Variants in EFHC2 observed in about 807,000 individuals in gnomAD.
EFHC2 encodes the protein EF-hand domain-containing family member C2.
EFHC2 carries 18 observed loss-of-function variants against 52.7 expected under a neutral mutation model. The ratio of observed to expected loss-of-function variants is 0.34; its 90% CI spans 0.24 to 0.51. The LOEUF is 0.51. Ranked by LOEUF, EFHC2 falls within the 20% of genes least tolerant of loss-of-function variation. EFHC2 has a pLI of 0.97. For missense variants in EFHC2, 513 were observed against 562.5 expected, an observed-to-expected ratio of 0.91 and a Z score of 0.89; for synonymous variants, 203 against 204.1, an observed-to-expected ratio of 0.99 and a Z score of 0.04.
At chrX:44,224,543 C>G (rs767939575) in intron 11 of EFHC2, among the ~76,000 whole-genome samples, 1 of 112,319 alleles carries the variant, frequency 8.9e-6, no homozygotes, top group Non-Finnish European at 1.9e-5. Flanking sequence ...TTTAGTTTTA[C>G]AAGGGAGAAA....
intron 1 of EFHC2, among the ~76,000 whole-genome samples, chrX:44,329,087 T>C (rs1569309809): frequency 8.9e-6 from 1 of 111,761 alleles, no homozygotes; most frequent in Non-Finnish European, 1.9e-5. Flanking sequence ...CCTCCAGGCT[T>C]CCTACTTGGT....
At chrX:44,233,237 T>C (rs954413296) in intron 9 of EFHC2, among the ~76,000 whole-genome samples, 9 of 111,869 alleles carry the variant, frequency 8.0e-5, no homozygotes, top group African/African-American at 2.6e-4. Context: ...TTGTCCCAGA[T>C]GATGTCTTAT....
intron 2 of EFHC2, among the ~76,000 whole-genome samples, chrX:44,279,309 A>C (rs989698326): frequency 2.7e-5 from 3 of 112,204 alleles, no homozygotes; most frequent in Admixed American, 9.5e-5. Context: ...GTGCCACTGC[A>C]CTCCAGCCTG....
At chrX:44,327,614 T>C (rs1356276235) in intron 1 of EFHC2, among the ~76,000 whole-genome samples, 1 of 111,598 alleles carries the variant, frequency 9.0e-6, no homozygotes, top group African/African-American at 3.3e-5. Flanking sequence ...TTTTCTTTTT[T>C]GCTGTACTTT....
At chrX:44,156,311 T>G (rs2036605486) in intron 14 of EFHC2, among the ~76,000 whole-genome samples, 1 of 112,747 alleles carries the variant, frequency 8.9e-6, no homozygotes, top group Non-Finnish European at 1.9e-5. Flanking sequence ...TTATTTCGAC[T>G]GTTATATTCA....
intron 3 of EFHC2, among the ~76,000 whole-genome samples, chrX:44,270,653 A>G (rs943338995): frequency 8.9e-6 from 1 of 111,742 alleles, no homozygotes; most frequent in African/African-American, 3.3e-5. Context: ...TAAATATATA[A>G]GGACACTAAA....
In EFHC2 at chrX:44,163,689, C is replaced by T. The variant is rs143324385; in HGVS notation, c.2148+233G>A. Among the ~76,000 whole-genome samples the T allele has an allele frequency of 4.5e-5, 5 of 111,264 alleles. No homozygotes were observed. The East Asian group carries it at 1.4e-3, about 31-fold the overall frequency. On this transcript the variant is annotated intron_variant, in intron 14 of 14. Coordinates refer to ENST00000420999, the MANE Select transcript of EFHC2 (RefSeq NM_025184.4). ...TATTTTCCATATAATTGGATGCGAT[C>T]GAGGTTAAAAAAAATTCAGCTGCAT...
chrX:44,242,144 G>A lies in EFHC2; in HGVS notation c.1257C>T (p.Phe419=). 1 of 1,192,874 alleles carries A rather than the reference G, an allele frequency of 8.4e-7. No homozygotes were observed. Among genetic ancestry groups the A allele is most frequent in the Non-Finnish European group, 1.1e-6 (1 of 888,043 alleles). ...DLKPTPHRRN[F]KKFMEKDSYG... Reference sequence around the variant, plus strand: ...ACCTGTCTTTTTCCATAAACTTCTTGAAGTTCCTCCGATGAGGTGTGGGCT... The same window carrying A: ...ACCTGTCTTTTTCCATAAACTTCTTAAAGTTCCTCCGATGAGGTGTGGGCT... Residue 419 remains phenylalanine (F), a synonymous_variant, in exon 8 of 15, where the codon TTC becomes TTT. Coordinates refer to ENST00000420999, the MANE Select transcript of EFHC2 (RefSeq NM_025184.4).
intron 10 of EFHC2, among the ~76,000 whole-genome samples, chrX:44,230,965 T>C (rs1280123288): frequency 2.7e-5 from 3 of 111,510 alleles, no homozygotes; most frequent in Non-Finnish European, 5.6e-5. Flanking sequence ...AAATACAATA[T>C]CTAAGGTCCC....
intron 1 of EFHC2, among the ~76,000 whole-genome samples, chrX:44,320,025 C>G (rs916671218): frequency 7.0e-4 from 78 of 111,803 alleles, no homozygotes; most frequent in African/African-American, 2.3e-3. Context: ...TCACTGCAAC[C>G]TCTGCCTCCT....
At position 44,212,559 on chromosome X, in the gene EFHC2, G is replaced by A. The variant is rs1443157855; in HGVS notation, c.1751+17090C>T. 3.6e-5 allele frequency among the ~76,000 whole-genome samples: 4 copies of A among 110,491 alleles called. No homozygotes were observed. The Admixed American group carries it at 3.8e-4, about 11-fold the overall frequency. Reference sequence around the variant, plus strand: ...CCGGTCCCATCTAGAGTAGGGGGAGGGGAGGGGAGGAACTGAGGGTACTTC... The same window carrying A: ...CCGGTCCCATCTAGAGTAGGGGGAGAGGAGGGGAGGAACTGAGGGTACTTC... On this transcript the variant is annotated intron_variant, in intron 11 of 14. Transcript: ENST00000420999.
rs1352074552 is a variant in EFHC2 at position 44,286,715 on chromosome X, A to T, written c.232-13879T>A. ...TTTGTATATTATAGGAATTCTATTT[A>T]AAAAAATTTAAAAATCGGCCGGGCA... On this transcript the variant is annotated intron_variant, in intron 2 of 14. Transcript: ENST00000420999. Among the ~76,000 whole-genome samples, 37 of 111,167 alleles carry T rather than the reference A, an allele frequency of 3.3e-4. 1 individual carries two copies. In the East Asian group the frequency reaches 3.9e-3, roughly 12 times the overall value.
At chrX:44,319,783 A>C (rs1201892324) in intron 1 of EFHC2, among the ~76,000 whole-genome samples, 1 of 112,089 alleles carries the variant, frequency 8.9e-6, no homozygotes, top group African/African-American at 3.2e-5. Flanking sequence ...ATTCACAGAG[A>C]GATATTAAGT....
chrX:44,235,323 G>T lies in EFHC2; in HGVS notation c.1405C>A (p.Pro469Thr). 1.7e-6 allele frequency: 2 copies of T among 1,178,706 alleles called. No individual in the cohort carries two copies. The highest frequency in any genetic ancestry group is 1.9e-5 in the South Asian group (1 of 51,556). ...LGDDTISVFE[P>T]IERNSGIAGG... is the part of the protein sequence containing the mutation. ...CTCTTACCTGAATTCCTCTCTATAG[G>T]TTCAAACACTGAAATGGTGTCATCA... is the stretch of plus-strand genomic sequence containing the variant. Residue 469 changes from proline (P) to threonine (T), a missense_variant, in exon 9 of 15, where the codon CCT becomes ACT. Coordinates refer to ENST00000420999, the MANE Select transcript of EFHC2 (RefSeq NM_025184.4).
chrX:44,258,771 TC>T (rs1431644116), intron 4 of EFHC2, among the ~76,000 whole-genome samples: 7 of 109,800 alleles, frequency 6.4e-5, no homozygotes, highest in African/African-American at 2.3e-4. Context: ...GCACAGAATT[TC>T]TTGAACCTGG....
chrX:44,271,656 T>A (rs1394837744), intron 3 of EFHC2, among the ~76,000 whole-genome samples: 2 of 110,498 alleles, frequency 1.8e-5, no homozygotes, highest in African/African-American at 6.6e-5. Flanking sequence ...GGGCCATCTA[T>A]CTACACGAGG....
At chrX:44,299,073 A>AG (rs959396807) in intron 2 of EFHC2, among the ~76,000 whole-genome samples, 8 of 110,147 alleles carry the variant, frequency 7.3e-5, no homozygotes, top group Non-Finnish European at 1.5e-4. Context: ...TGTTAAACTA[A>AG]GGGGGAAAAA....
At chrX:44,180,757 T>TAAAA (rs35028791) in intron 11 of EFHC2, among the ~76,000 whole-genome samples, 17,045 of 104,767 alleles carry the variant, frequency 0.16, 1,247 homozygotes, top group East Asian at 0.23. Flanking sequence ...AATAAATAAA[T>TAAAA]AAAAATAAAA....
intron 11 of EFHC2, among the ~76,000 whole-genome samples, chrX:44,214,277 C>A (rs1312792933): frequency 3.6e-5 from 4 of 111,901 alleles, no homozygotes; most frequent in Non-Finnish European, 5.6e-5. Context: ...ACAAAACAAA[C>A]CAAAACCAAA....
Sources: gnomAD v4.1 joint callset for allele counts (sites outside exome capture counted in the v4.1 genomes callset) on GRCh38, gnomAD v4.1.1 for gene constraint, MANE v1.5 for transcripts, NCBI Gene and HGNC (gene_info 2026-07-23, HGNC 2026-07-21) for gene names.